Variants in MAN2A2 observed in about 807,000 individuals in gnomAD.
MAN2A2 encodes the protein alpha-mannosidase 2x.
A neutral mutation model predicts 126.8 loss-of-function variants in MAN2A2; 79 were observed. The observed-to-expected ratio is 0.62, with a 90% CI of 0.52 to 0.75. The LOEUF (loss-of-function observed/expected upper bound fraction) is 0.75. Among genes scored for constraint, MAN2A2 ranks in the 30% least tolerant of loss-of-function variants. MAN2A2 has a pLI of 0.00. For synonymous variants in MAN2A2, 671 were observed against 618.7 expected, an observed-to-expected ratio of 1.08 and a Z score of -1.25; for missense variants, 1,392 against 1,522.4, an observed-to-expected ratio of 0.91 and a Z score of 1.43.
chr15:90,913,857 G>A, intron 19 of MAN2A2, 102 bp downstream of exon 19: 1 of 1,394,836 alleles, frequency 7.2e-7, no homozygotes, highest in South Asian at 1.5e-5. Flanking sequence ...GCCTCTTTCT[G>A]GACTGCATCA....
chr15:90,905,690 G>T lies in MAN2A2; in HGVS notation c.502G>T (p.Val168Leu). ...PHDWDAEDLQ[V>L]FVVPHSHNDP... Reference sequence around the variant, plus strand: ...CGACTGGGATGCTGAAGACCTGCAGGTGTTTGTGGTGCCCCACTCTCACAA... The same window carrying T: ...CGACTGGGATGCTGAAGACCTGCAGTTGTTTGTGGTGCCCCACTCTCACAA... Residue 168 changes from valine to leucine, a missense_variant, in exon 4 of 23, where the codon GTG (valine) becomes TTG (leucine). Coordinates refer to ENST00000559717, the MANE Select transcript of MAN2A2 (RefSeq NM_006122.4). 6.2e-7 allele frequency: 1 copy of T among 1,614,144 alleles called. No homozygotes were observed. Among genetic ancestry groups the T allele is most frequent in the Non-Finnish European group, 8.5e-7 (1 of 1,180,018 alleles).
chr15:90,912,803 C>T, intron 16 of MAN2A2, 74 bp from the exon 17 acceptor site: 1 of 1,544,196 alleles, frequency 6.5e-7, no homozygotes, highest in South Asian at 1.2e-5. Flanking sequence ...TGCTCTCTTG[C>T]CCAGCCCTGG....
chr15:90,907,312 C>T lies in MAN2A2; in HGVS notation c.1013C>T (p.Ser338Leu), dbSNP rs368969435. The part of the protein sequence containing the change: ...LEFMWRQTWD[S>L]DSSTDIFCHM... Reference sequence around the variant, plus strand: ...CCACGTGGTGTGTCTCCTGCAGACTCGGACTCCAGCACAGACATCTTCTGT... The same window carrying T: ...CCACGTGGTGTGTCTCCTGCAGACTTGGACTCCAGCACAGACATCTTCTGT... The change falls in exon 8 of 23, where the codon TCG (serine) becomes TTG (leucine). Residue 338 changes from serine to leucine, a missense_variant. Ser to Leu is a moderately radical substitution (Grantham distance 145, BLOSUM62 -2). Transcript: ENST00000559717. 1.2e-5 allele frequency: 19 copies of T among 1,613,068 alleles called. No individual in the cohort carries two copies. The highest frequency in any genetic ancestry group is 1.7e-4 in the Middle Eastern group (1 of 6,054).
rs148910044 is a variant in MAN2A2, at chr15:90,919,761, G to A, written c.3427G>A (p.Ala1143Thr). The A allele has an allele frequency of 1.2e-6, 2 of 1,614,068 alleles. No individual in the cohort carries two copies. The highest frequency in any genetic ancestry group is 2.7e-5 in the African/African-American group (2 of 74,932). ...TDVYLEPMEI[A>T]TFRLRLG The stretch of plus-strand genomic sequence containing the variant: ...CGTCTATTTGGAGCCCATGGAGATT[G>A]CTACCTTTCGCCTCCGCTTGGGTTA... Residue 1143 changes from alanine (A) to threonine (T), a missense_variant, in exon 23 of 23, where the codon GCT becomes ACT. Coordinates refer to ENST00000559717, the MANE Select transcript of MAN2A2 (RefSeq NM_006122.4).
intron 20 of MAN2A2, 93 bp from the exon 21 acceptor site, chr15:90,918,101 A>G: frequency 1.6e-6 from 2 of 1,279,696 alleles, no homozygotes; most frequent in Non-Finnish European, 2.2e-6. Context: ...GGTCTTTCCA[A>G]AACAACTGAC....
intron 9 of MAN2A2, among the ~76,000 whole-genome samples, 193 bp downstream of exon 9, chr15:90,909,697 G>A (rs1052025251): frequency 5.3e-5 from 8 of 150,022 alleles, no homozygotes; most frequent in African/African-American, 1.2e-4. Flanking sequence ...TCCGCCTCCC[G>A]GGTTCACGCC....
chr15:90,918,769 G>A lies in MAN2A2; in HGVS notation c.3300+14G>A, dbSNP rs751418511. 8.0e-6 allele frequency: 12 copies of A among 1,506,192 alleles called. No individual in the cohort carries two copies. Among genetic ancestry groups the A allele is most frequent in the Non-Finnish European group, 1.0e-5 (11 of 1,084,186 alleles). The allele number at this position is 1,506,192 out of a possible 1,614,324, so 93.3% of individuals were successfully genotyped here. ...AGCCAAGGCAAGGTGAGTAGGGTGG[G>A]GAAACAGAGCACCTAGGAATGGCAG... On this transcript the variant is annotated intron_variant, in intron 22 of 22. Transcript: ENST00000559717.
intron 20 of MAN2A2, chr15:90,916,459 T>C: frequency 9.1e-7 from 1 of 1,099,640 alleles, no homozygotes; most frequent in Non-Finnish European, 1.3e-6. Flanking sequence ...CCAGCAGCGC[T>C]CTGTCACCTG....
chr15:90,904,259 GCAGTCTTCTCGCTCTACCT>G lies in MAN2A2; in HGVS notation c.55_73del (p.Val19CysfsTer54). 3 of 1,614,204 alleles carry G rather than the reference GCAGTCTTCTCGCTCTACCT, an allele frequency of 1.9e-6. No homozygotes were observed. Among genetic ancestry groups the G allele is most frequent in the Non-Finnish European group, 2.5e-6 (3 of 1,180,038 alleles). On this transcript the variant is annotated frameshift_variant, in exon 2 of 23. Coordinates refer to ENST00000559717, the MANE Select transcript of MAN2A2 (RefSeq NM_006122.4). LOFTEE classifies it high-confidence loss of function. ...GTGTGGGGCTGCCATCTTCTGTGTG[GCAGTCTTCTCGCTCTACCT>G]CATGCTGGACCGAGTGCAACACGAT...
Position 90,918,169 on chromosome 15 carries a change from C to A in MAN2A2, c.2995-25C>A, listed in dbSNP as rs372535151. On this transcript the variant is annotated intron_variant, in intron 20 of 22. Transcript: ENST00000559717. The stretch of plus-strand genomic sequence containing the variant: ...CCCTCAGCCTGGCTTTGGTCCCTCA[C>A]CAATATCTCGGGTCAATTTTGCAGG... 12 of 1,604,164 alleles carry A rather than the reference C, an allele frequency of 7.5e-6. No individual in the cohort carries two copies. In the African/African-American group the frequency reaches 1.6e-4, roughly 21 times the overall value.
chr15:90,904,795 A>G (rs2034133619), intron 2 of MAN2A2, among the ~76,000 whole-genome samples: 1 of 152,162 alleles, frequency 6.6e-6, no homozygotes, highest in Admixed American at 6.5e-5. Flanking sequence ...AGGTATCGCC[A>G]TGTTGGCCAG....
In MAN2A2 at chr15:90,912,908, G is replaced by T; in HGVS notation, c.2501G>T (p.Arg834Leu). 6.2e-7 allele frequency: 1 copy of T among 1,614,086 alleles called. No individual in the cohort carries two copies. The highest frequency in any genetic ancestry group is 8.5e-7 in the Non-Finnish European group (1 of 1,179,968). Residue 834 changes from arginine (R) to leucine (L), a missense_variant, in exon 17 of 23, where the codon CGT becomes CTT. Arg to Leu is a moderately radical substitution (Grantham distance 102). Coordinates refer to ENST00000559717, the MANE Select transcript of MAN2A2 (RefSeq NM_006122.4). The part of the protein sequence containing the change: ...PYVPKEPPVL[R>L]VTEGPFFSEV... ...GTCCCCAAGGAGCCCCCCGTGCTGC[G>T]TGTCACTGAAGGCCCTTTCTTCTCA... is the stretch of plus-strand genomic sequence containing the variant.
chr15:90,912,695 A>AG lies in MAN2A2; in HGVS notation c.2469+34dup, dbSNP rs753687718. The AG allele has an allele frequency of 4.3e-6, 7 of 1,613,264 alleles. No homozygotes were observed. The South Asian group carries it at 7.7e-5, about 18-fold the overall frequency. On this transcript the variant is annotated intron_variant, in intron 16 of 22. Coordinates refer to ENST00000559717, the MANE Select transcript of MAN2A2 (RefSeq NM_006122.4). ...CTAAAGATGCCTTGAACAACCTGGCAGGGAGGGCAGGAGGGGGCACAGGCC... is the reference window on the plus strand; with the variant it reads ...CTAAAGATGCCTTGAACAACCTGGCAGGGGAGGGCAGGAGGGGGCACAGGCC...
At position 90,913,154 on chromosome 15, in the gene MAN2A2, G is replaced by A. The variant is rs75395925; in HGVS notation, c.2585-119G>A. ...AAAAGTCATCCAGAAATGCCCTGGG[G>A]ATTTCTTGGGAGGTTGGACAGAGCC... On this transcript the variant is annotated intron_variant, in intron 17 of 22. Transcript: ENST00000559717. 1.9e-3 allele frequency: 2,500 copies of A among 1,329,860 alleles called. 38 individuals carry two copies. In the African/African-American group the frequency reaches 0.033, roughly 17 times the overall value. 82.4% of individuals were successfully genotyped at this position (1,329,860 alleles called of 1,614,324 possible).
rs534417107 is a variant in MAN2A2 at position 90,906,888 on chromosome 15, A to G, written c.984A>G (p.Leu328=). ...IKKHFAATHS[L]EFMWRQTWDS... is the part of the protein sequence containing the mutation. ...AGCACTTTGCTGCCACCCACAGCCT[A>G]GAGTTCATGTGGAGGCAGACATGGG... Residue 328 remains leucine (L), a synonymous_variant, in exon 7 of 23, where the codon CTA becomes CTG. Coordinates refer to ENST00000559717, the MANE Select transcript of MAN2A2 (RefSeq NM_006122.4). 13 of 1,613,846 alleles carry G rather than the reference A, an allele frequency of 8.1e-6. No homozygotes were observed. Among genetic ancestry groups the G allele is most frequent in the Admixed American group, 3.3e-5 (2 of 60,008 alleles).
At position 90,909,336 on chromosome 15, in the gene MAN2A2, G is replaced by A. The variant is rs148266546; in HGVS notation, c.1206G>A (p.Leu402=). The change falls in exon 9 of 23, where the codon CTG becomes CTA. Residue 402 remains leucine (L), a synonymous_variant. Coordinates refer to ENST00000559717, the MANE Select transcript of MAN2A2 (RefSeq NM_006122.4). ...TEANVAERAA[L]LLDQYRKKSQ... is the part of the protein sequence containing the mutation. Reference sequence around the variant, plus strand: ...TTTTTTCCTGCCCCAGGGCAGCCCTGCTTCTGGACCAATACCGGAAGAAGT... The same window carrying A: ...TTTTTTCCTGCCCCAGGGCAGCCCTACTTCTGGACCAATACCGGAAGAAGT... 4.9e-4 allele frequency: 788 copies of A among 1,610,140 alleles called. 1 individual carries two copies. The highest frequency in any genetic ancestry group is 5.7e-4 in the Admixed American group (34 of 59,846).
In MAN2A2 at chr15:90,912,549, G is replaced by A. The variant is rs752873849; in HGVS notation, c.2354G>A (p.Arg785Gln). Reference protein sequence around the residue: ...SGLTGLLKSIRRVDEEHEQQV... With the variant: ...SGLTGLLKSIQRVDEEHEQQV... ...GGCTGTGTTTTTTGGCAGAGCATCCGAAGGGTGGATGAGGAGCACGAGCAG... is the reference window on the plus strand; with the variant it reads ...GGCTGTGTTTTTTGGCAGAGCATCCAAAGGGTGGATGAGGAGCACGAGCAG... Residue 785 changes from arginine to glutamine, a missense_variant, in exon 16 of 23, where the codon CGA (arginine) becomes CAA (glutamine). Coordinates refer to ENST00000559717, the MANE Select transcript of MAN2A2 (RefSeq NM_006122.4). 9.9e-6 allele frequency: 16 copies of A among 1,613,706 alleles called. No homozygotes were observed. Among genetic ancestry groups the A allele is most frequent in the South Asian group, 3.3e-5 (3 of 91,060 alleles).
Position 90,909,387 on chromosome 15 carries a change from C to T in MAN2A2, c.1257C>T (p.Leu419=). The T allele has an allele frequency of 6.2e-7, 1 of 1,614,110 alleles. No homozygotes were observed. The highest frequency in any genetic ancestry group is 8.5e-7 in the Non-Finnish European group (1 of 1,179,966). ...CCCAGCTGTTCCGAAGCAACGTCCT[C>T]CTGGTGCCTCTTGGAGATGACTTCC... is the stretch of plus-strand genomic sequence containing the variant. ...KKSQLFRSNV[L]LVPLGDDFRY... Residue 419 remains leucine (L), a synonymous_variant, in exon 9 of 23, where the codon CTC becomes CTT. Coordinates refer to ENST00000559717, the MANE Select transcript of MAN2A2 (RefSeq NM_006122.4).
intron 9 of MAN2A2, 67 bp from the exon 10 acceptor site, chr15:90,910,023 A>C: frequency 6.9e-7 from 1 of 1,441,450 alleles, no homozygotes; most frequent in Non-Finnish European, 9.5e-7. Flanking sequence ...CCCCAACTGC[A>C]GCACTGTGGC....
Sources: gnomAD v4.1 joint callset for allele counts (sites outside exome capture counted in the v4.1 genomes callset) on GRCh38, gnomAD v4.1.1 for gene constraint, MANE v1.5 for transcripts, NCBI Gene and HGNC (gene_info 2026-07-23, HGNC 2026-07-21) for gene names.